ZFP28: variants seen among roughly 807,000 people sequenced by gnomAD.
The protein encoded by ZFP28 is ZFP28 zinc finger protein, also known as zinc finger protein 28 homolog.
Under a neutral mutation model 39.5 loss-of-function variants are expected in ZFP28, and 31 were observed. The observed-to-expected ratio is 0.79, with a 90% CI of 0.59 to 1.06. The LOEUF (loss-of-function observed/expected upper bound fraction) is 1.06, where lower values mean the gene tolerates loss of function less well. ZFP28 is among the 50% of genes least tolerant of loss of function. ZFP28 has a pLI of 0.00. For missense variants in ZFP28, 925 were observed against 1,048.4 expected (o/e 0.88, Z 1.63); for synonymous variants, 400 against 378.6 (o/e 1.06, Z -0.66).
At chr19:56,546,615 A>C (rs535282326) in intron 2 of ZFP28, 1 of 152,290 alleles carries the variant, frequency 6.6e-6, no homozygotes, top group African/African-American at 2.4e-5. Context: ...TTTTAGAAAA[A>C]AAAATTGCTA....
chr19:56,539,095 G>A lies in ZFP28; in HGVS notation c.77G>A (p.Arg26Gln). 1 of 1,544,744 alleles carries A rather than the reference G, an allele frequency of 6.5e-7. No homozygotes were observed. The highest frequency in any genetic ancestry group is 8.7e-7 in the Non-Finnish European group (1 of 1,151,134). Reference sequence around the variant, plus strand: ...AGAGGCGCCCCCCGCACAAAGCCCCGGGCGGGCCGAGGCCCGACTGTAGGG... The same window carrying A: ...AGAGGCGCCCCCCGCACAAAGCCCCAGGCGGGCCGAGGCCCGACTGTAGGG... ...PGRGAPRTKP[R>Q]AGRGPTVGTP... is the part of the protein sequence containing the mutation. The change falls in exon 1 of 8, where the codon CGG becomes CAG. Residue 26 changes from arginine to glutamine, a missense_variant. Around this residue, in one of 2 missense-constraint regions of ZFP28, gnomAD observed 556 missense variants for 542.9 expected, o/e 1.02. Transcript: ENST00000301318.
At chr19:56,538,088 G>A (rs2044150739), upstream of ZFP28, 1 of 152,230 alleles carries the variant, frequency 6.6e-6, no homozygotes, top group African/African-American at 2.4e-5. Context: ...TTTGGGGTTA[G>A]ACTATTTCGA....
rs2044341876 is a variant in ZFP28 at position 56,555,348 on chromosome 19, T to C, written c.2563T>C (p.Phe855Leu). 1 of 1,612,886 alleles carries C rather than the reference T, an allele frequency of 6.2e-7. No homozygotes were observed. The highest frequency in any genetic ancestry group is 1.3e-5 in the African/African-American group (1 of 74,846). The change falls in exon 8 of 8, where the codon TTT becomes CTT. Residue 855 changes from phenylalanine (F) to leucine (L), a missense_variant. By Grantham distance (22) the Phe-to-Leu change is conservative (BLOSUM62 0). Coordinates refer to ENST00000301318, the MANE Select transcript of ZFP28 (RefSeq NM_020828.2). Reference sequence around the variant, plus strand: ...TTCCACGTCAAATCCTGTGGATCTGTTTCCCAAATTTCTCTGGAATCCATC... The same window carrying C: ...TTCCACGTCAAATCCTGTGGATCTGCTTCCCAAATTTCTCTGGAATCCATC... The part of the protein sequence containing the change: ...LPSTSNPVDL[F>L]PKFLWNPSSL...
Position 56,547,642 on chromosome 19 carries a change from C to CTCCCACCCCTTT in ZFP28, c.427+19_427+30dup. The stretch of plus-strand genomic sequence containing the variant: ...GGAACCTGGCATCGCTGGGTAAGGG[C>CTCCCACCCCTTT]TCCCACCCCTTTTCCCACCCCTCAC... On this transcript the variant is annotated intron_variant, in intron 3 of 7. Transcript: ENST00000301318. The surrounding 1 kb of genome is among the most constrained non-coding windows in gnomAD (Gnocchi z 4.6). 2 of 1,602,940 alleles carry CTCCCACCCCTTT rather than the reference C, an allele frequency of 1.2e-6. No homozygotes were observed. Among genetic ancestry groups the CTCCCACCCCTTT allele is most frequent in the Non-Finnish European group, 1.7e-6 (2 of 1,174,136 alleles).
intron 2 of ZFP28, among the ~76,000 whole-genome samples, chr19:56,542,796 C>CAG (rs1474647098): frequency 5.3e-5 from 8 of 152,032 alleles, no homozygotes; most frequent in African/African-American, 1.9e-4. Context: ...GACAGGGTCT[C>CAG]ACTCTGTCAC....
chr19:56,537,473 A>T (rs184266293), upstream of ZFP28, among the ~76,000 whole-genome samples: 3 of 152,324 alleles, frequency 2.0e-5, no homozygotes, highest in African/African-American at 7.2e-5. Flanking sequence ...GGAGGTGAGT[A>T]TTATAAGCTG....
intron 2 of ZFP28, chr19:56,546,659 G>A (rs1568485227): frequency 6.6e-6 from 1 of 151,804 alleles, no homozygotes; most frequent in Non-Finnish European, 1.5e-5. Flanking sequence ...TGAACACTGA[G>A]AGTAAAAATA....
upstream of ZFP28, chr19:56,537,798 G>A (rs1185200309): frequency 2.0e-5 from 3 of 152,292 alleles, no homozygotes; most frequent in African/African-American, 7.2e-5. Context: ...GGCGTGCAGA[G>A]GTCAGTGCAT....
rs145467620 is a variant in ZFP28 at position 56,555,223 on chromosome 19, A to G, written c.2438A>G (p.Tyr813Cys). The change falls in exon 8 of 8, where the codon TAT becomes TGT. Residue 813 changes from tyrosine to cysteine, a missense_variant. Tyr to Cys is a radical substitution (Grantham distance 194). Transcript: ENST00000301318. ...HKRVHTGERS[Y>C]NYKKSRKVFR... ...AGAGTTCATACTGGAGAGAGATCTT[A>G]TAACTATAAGAAAAGCAGAAAAGTC... 8.6e-4 allele frequency: 1,387 copies of G among 1,614,100 alleles called. 2 individuals are homozygous for G. Among genetic ancestry groups the G allele is most frequent in the Admixed American group, 1.1e-3 (64 of 60,020 alleles).
chr19:56,546,049 C>T (rs1417168924), intron 2 of ZFP28: 1 of 152,218 alleles, frequency 6.6e-6, no homozygotes, highest in Non-Finnish European at 1.5e-5. Context: ...GTGCCTTGCA[C>T]GTTCTAAGTG....
chr19:56,545,455 G>C (rs1568484901), intron 2 of ZFP28: 1 of 152,206 alleles, frequency 6.6e-6, no homozygotes, highest in Non-Finnish European at 1.5e-5. Context: ...GTTTCTAGTA[G>C]AATAATGTGA....
At position 56,555,458 on chromosome 19, in the gene ZFP28, T is replaced by C; in HGVS notation, c.*66T>C. On this transcript the variant is annotated 3_prime_UTR_variant, in exon 8 of 8. Coordinates refer to ENST00000301318, the MANE Select transcript of ZFP28 (RefSeq NM_020828.2). Reference sequence around the variant, plus strand: ...AAACCCCATCTCCCTGCCCTTTTGTTTTCTTTTTGTCCCTTATTAGTTAGT... The same window carrying C: ...AAACCCCATCTCCCTGCCCTTTTGTCTTCTTTTTGTCCCTTATTAGTTAGT... The C allele has an allele frequency of 6.7e-7, 1 of 1,493,170 alleles. No individual in the cohort carries two copies. Among genetic ancestry groups the C allele is most frequent in the East Asian group, 2.3e-5 (1 of 43,862 alleles). 92.5% of individuals were successfully genotyped at this position (1,493,170 alleles called of 1,614,324 possible). A position where few individuals can be genotyped will look rare whatever the true frequency, so the allele number is the denominator to read the frequency against.
chr19:56,553,223 AT>A (rs1267006330), intron 7 of ZFP28: 1 of 95,802 alleles, frequency 1.0e-5, no homozygotes, highest in African/African-American at 5.1e-5. Context: ...TGTGAAAATA[AT>A]TGTTTTTTTT....
chr19:56,545,660 A>G (rs1401857385), intron 2 of ZFP28: 1 of 152,260 alleles, frequency 6.6e-6, no homozygotes, highest in Non-Finnish European at 1.5e-5. Flanking sequence ...GCTTGGAGAC[A>G]TTGAGGACAC....
Position 56,547,253 on chromosome 19 carries a change from C to A in ZFP28, c.301-255C>A. On this transcript the variant is annotated intron_variant, in intron 2 of 7. Coordinates refer to ENST00000301318, the MANE Select transcript of ZFP28 (RefSeq NM_020828.2). The surrounding 1 kb of genome is among the most constrained non-coding windows in gnomAD (Gnocchi z 4.6). ...TCACGTGGTCTTTTCCCTGTGCCTGCACACCGTGGTATCTCTTCCTGTTTT... is the reference window on the plus strand; with the variant it reads ...TCACGTGGTCTTTTCCCTGTGCCTGAACACCGTGGTATCTCTTCCTGTTTT... The A allele has an allele frequency of 2.2e-6, 1 of 458,890 alleles. No individual in the cohort carries two copies. The highest frequency in any genetic ancestry group is 3.9e-6 in the Non-Finnish European group (1 of 259,372). The allele number at this position is 458,890 out of a possible 1,614,324, so 28.4% of individuals were successfully genotyped here.
chr19:56,552,359 G>A (rs972162760), intron 7 of ZFP28: 2 of 152,068 alleles, frequency 1.3e-5, no homozygotes, highest in African/African-American at 4.8e-5. Flanking sequence ...ACCAATATGG[G>A]TATTTTGTAG....
At chr19:56,549,169 G>A in intron 5 of ZFP28, 48 bp downstream of exon 5, 1 of 1,563,702 alleles carries the variant, frequency 6.4e-7, no homozygotes, top group Non-Finnish European at 8.6e-7. Context: ...CCTTCATGAG[G>A]AAACTCTTCT....
intron 7 of ZFP28, 195 bp downstream of exon 7, chr19:56,550,800 T>C: frequency 6.6e-7 from 1 of 1,511,554 alleles, no homozygotes; most frequent in Non-Finnish European, 8.8e-7. Flanking sequence ...GTAACTGCCA[T>C]TTCCCTGAAG....
chr19:56,549,216 A>G, intron 5 of ZFP28, 95 bp downstream of exon 5: 3 of 1,411,528 alleles, frequency 2.1e-6, no homozygotes, highest in Non-Finnish European at 2.8e-6. Flanking sequence ...ACTATAAGAG[A>G]AGTTTTCATT....
Sources: allele counts gnomAD v4.1 joint callset (sites outside exome capture counted in the v4.1 genomes callset), GRCh38; gene constraint gnomAD v4.1.1; regional missense constraint gnomAD v4.1.1; non-coding constraint Gnocchi (gnomAD v3.1); transcripts MANE v1.5; gene names NCBI Gene and HGNC (gene_info 2026-07-23, HGNC 2026-07-21).